The following TSPAN15 variants were observed in gnomAD, a reference collection of about 807,000 sequenced individuals.
TSPAN15 encodes tetraspanin-15.
A neutral mutation model predicts 34.5 loss-of-function variants in TSPAN15; 20 were observed. That is an observed-to-expected ratio of 0.58 (90% CI 0.41 to 0.84). TSPAN15 has a LOEUF of 0.84. TSPAN15 is among the 40% of genes least tolerant of loss of function. The probability of loss-of-function intolerance (pLI) is 0.00; values close to 1 mark genes in which losing one functional copy is unlikely to be tolerated. For synonymous variants in TSPAN15, 155 were observed against 153.9 expected (o/e 1.01, Z -0.05); for missense variants, 313 against 386.1 (o/e 0.81, Z 1.59).
At chr10:69,523,016 C>T in the TSPAN15 span, among the ~76,000 whole-genome samples, 1 of 147,926 alleles carries the variant, frequency 6.8e-6, no homozygotes, top group South Asian at 2.1e-4. Flanking sequence ...GGAAGATTTT[C>T]CCCTGTGTTT....
At chr10:69,463,173 C>G (rs2394569) in intron 1 of TSPAN15, among the ~76,000 whole-genome samples, 60,720 of 152,180 alleles carry the variant, frequency 0.4, 12,628 homozygotes, top group Non-Finnish European at 0.45. Context: ...TCAGTCTTAA[C>G]TTTTATGAGT....
chr10:69,500,973 CA>C (rs1842193403), intron 5 of TSPAN15, among the ~76,000 whole-genome samples: 1 of 152,278 alleles, frequency 6.6e-6, no homozygotes, highest in East Asian at 1.9e-4. Context: ...ACCGTGGTGA[CA>C]TTCTGGCTGT....
In TSPAN15 at chr10:69,485,234, G is replaced by A. The variant is rs1481533221; in HGVS notation, c.357+19G>A. ...GAACCAGGTGGGCCTGTGGATTTGTGTATCGGCCATGTGTGTATGGAGCAC... is the reference window on the plus strand; with the variant it reads ...GAACCAGGTGGGCCTGTGGATTTGTATATCGGCCATGTGTGTATGGAGCAC... On this transcript the variant is annotated intron_variant, in intron 3 of 7. Transcript: ENST00000373290. 3 of 1,613,056 alleles carry A rather than the reference G, an allele frequency of 1.9e-6. No individual in the cohort carries two copies. The African/African-American group carries it at 4.0e-5, about 22-fold the overall frequency.
At chr10:69,530,814 CTCTCTCTATATATA>C in the TSPAN15 span, among the ~76,000 whole-genome samples, 118 of 61,274 alleles carry the variant, frequency 1.9e-3, no homozygotes, top group Non-Finnish European at 2.9e-3. Flanking sequence ...CTCTCTCTCT[CTCTCTCTATATATA>C]TATATATATA....
chr10:69,498,912 C>T (rs1326469091), intron 5 of TSPAN15, among the ~76,000 whole-genome samples: 1 of 152,152 alleles, frequency 6.6e-6, no homozygotes, highest in East Asian at 1.9e-4. Flanking sequence ...GCTGGCTCTG[C>T]AGCATTAGTG....
chr10:69,494,286 G>A (rs140758150), intron 3 of TSPAN15, among the ~76,000 whole-genome samples: 280 of 152,340 alleles, frequency 1.8e-3, no homozygotes, highest in African/African-American at 6.5e-3. Flanking sequence ...TGACGTGGGT[G>A]TGAAGTAGTA....
rs565815389 is a variant in TSPAN15 at position 69,474,651 on chromosome 10, C to T, written c.97-9040C>T. Among the ~76,000 whole-genome samples the T allele has an allele frequency of 2.0e-5, 3 of 152,138 alleles. No homozygotes were observed. The South Asian group carries it at 6.2e-4, about 32-fold the overall frequency. The stretch of plus-strand genomic sequence containing the variant: ...GGAGGAGGAGGGGTGACCAGCAGTA[C>T]TTTGACACAGGAATATACCCCTGAG... On this transcript the variant is annotated intron_variant, in intron 1 of 7. Coordinates refer to ENST00000373290, the MANE Select transcript of TSPAN15 (RefSeq NM_012339.5).
chr10:69,471,016 C>T (rs910341547), intron 1 of TSPAN15, among the ~76,000 whole-genome samples: 2 of 152,182 alleles, frequency 1.3e-5, no homozygotes, highest in African/African-American at 4.8e-5. Context: ...ATGTCACCCT[C>T]CCTGGCCACA....
chr10:69,499,492 G>T (rs1842157481), intron 5 of TSPAN15, among the ~76,000 whole-genome samples: 1 of 152,224 alleles, frequency 6.6e-6, no homozygotes. Flanking sequence ...CAGGGCAGCA[G>T]CATCTGAATA....
At chr10:69,520,197 A>T in the TSPAN15 span, among the ~76,000 whole-genome samples, 1 of 151,980 alleles carries the variant, frequency 6.6e-6, no homozygotes, top group Non-Finnish European at 1.5e-5. Context: ...AGTCCTTGTA[A>T]CCTCTATTCT....
At chr10:69,483,234 C>G (rs12255981) in intron 1 of TSPAN15, among the ~76,000 whole-genome samples, 5,081 of 152,170 alleles carry the variant, frequency 0.033, 280 homozygotes, top group African/African-American at 0.12. Context: ...GTGATCTGCC[C>G]GCCTCGGCCT....
chr10:69,471,355 C>G (rs750854166), intron 1 of TSPAN15, among the ~76,000 whole-genome samples: 6 of 152,222 alleles, frequency 3.9e-5, no homozygotes, highest in Middle Eastern at 3.4e-3. Flanking sequence ...TCCAGAGGCA[C>G]CTGAACACTC....
the TSPAN15 span, among the ~76,000 whole-genome samples, chr10:69,530,553 C>A: frequency 6.8e-6 from 1 of 146,444 alleles, no homozygotes; most frequent in Non-Finnish European, 1.5e-5. Context: ...CGCCTGTAAT[C>A]CCAGCACTTC....
intron 6 of TSPAN15, 152 bp from the exon 7 acceptor site, chr10:69,505,972 A>G (rs551084928): frequency 8.2e-5 from 51 of 624,844 alleles, no homozygotes; most frequent in Admixed American, 2.5e-4. Flanking sequence ...AAGAATCAGA[A>G]TCTAGGGTCA....
At chr10:69,530,136 G>A in the TSPAN15 span, among the ~76,000 whole-genome samples, 2 of 147,478 alleles carry the variant, frequency 1.4e-5, no homozygotes, top group Admixed American at 7.1e-5. Context: ...TTAACAGATG[G>A]TTCCAAGGTC....
At chr10:69,490,253 AAT>A (rs1027922026) in intron 3 of TSPAN15, among the ~76,000 whole-genome samples, 1 of 152,190 alleles carries the variant, frequency 6.6e-6, no homozygotes, top group Non-Finnish European at 1.5e-5. Flanking sequence ...CCAACACCTG[AAT>A]ATATAAAGTT....
chr10:69,539,490 G>GAA, the TSPAN15 span, among the ~76,000 whole-genome samples: 4 of 60,790 alleles, frequency 6.6e-5, no homozygotes, highest in Admixed American at 6.7e-4. Context: ...AGGAGAAGAA[G>GAA]AAGAAGAAGA....
chr10:69,530,820 C>CTCTATA, the TSPAN15 span, among the ~76,000 whole-genome samples: 84 of 30,768 alleles, frequency 2.7e-3, 1 homozygote, highest in Non-Finnish European at 3.8e-3. Context: ...CTCTCTCTCT[C>CTCTATA]TATATATATA....
downstream of TSPAN15, among the ~76,000 whole-genome samples, chr10:69,511,344 A>G (rs548695538): frequency 1.4e-4 from 21 of 152,026 alleles, no homozygotes; most frequent in African/African-American, 4.8e-4. Context: ...TTTCTTCTAG[A>G]TTTTCTAGTT....
Sources: allele counts gnomAD v4.1 joint callset (sites outside exome capture counted in the v4.1 genomes callset), GRCh38; gene constraint gnomAD v4.1.1; transcripts MANE v1.5; gene names NCBI Gene and HGNC (gene_info 2026-07-23, HGNC 2026-07-21).